LRSAM1: variants seen among roughly 807,000 people sequenced by gnomAD.
LRSAM1 encodes the protein E3 ubiquitin-protein ligase LRSAM1.
LRSAM1 carries 96 observed loss-of-function variants against 118.1 expected under a neutral mutation model. That is an observed-to-expected ratio of 0.81 (90% CI 0.69 to 0.96). The LOEUF (loss-of-function observed/expected upper bound fraction) is 0.96. Ranked by LOEUF, LRSAM1 falls within the 40% of genes least tolerant of loss-of-function variation. LRSAM1 has a pLI of 0.00. For synonymous variants in LRSAM1, 322 were observed against 364.2 expected, an observed-to-expected ratio of 0.88 and a Z score of 1.32; for missense variants, 804 against 915.5, an observed-to-expected ratio of 0.88 and a Z score of 1.57.
At chr9:127,501,490 T>G (rs1836391491) in intron 25 of LRSAM1, among the ~76,000 whole-genome samples, 1 of 152,052 alleles carries the variant, frequency 6.6e-6, no homozygotes, top group Non-Finnish European at 1.5e-5. Flanking sequence ...CCAGCACTTT[T>G]GGAGGCCAAG....
At chr9:127,484,828 A>C (rs1291410995) in intron 16 of LRSAM1, among the ~76,000 whole-genome samples, 1 of 50,614 alleles carries the variant, frequency 2.0e-5, no homozygotes, top group Non-Finnish European at 4.9e-5. Flanking sequence ...TTTTTTTTTG[A>C]GATAGGGTCT....
intron 14 of LRSAM1, among the ~76,000 whole-genome samples, chr9:127,480,540 A>C (rs976685608): frequency 6.6e-6 from 1 of 152,158 alleles, no homozygotes; most frequent in Non-Finnish European, 1.5e-5. Flanking sequence ...CTAACCCTGA[A>C]TCACTCGTTC....
At chr9:127,461,921 G>A (rs1834762480) in intron 8 of LRSAM1, among the ~76,000 whole-genome samples, 1 of 152,230 alleles carries the variant, frequency 6.6e-6, no homozygotes, top group Non-Finnish European at 1.5e-5. Flanking sequence ...AGCCATTACA[G>A]CATGAGGGGC....
At chr9:127,495,909 A>C in intron 22 of LRSAM1, 55 bp from the exon 23 acceptor site, 1 of 1,603,640 alleles carries the variant, frequency 6.2e-7, no homozygotes, top group Admixed American at 1.7e-5. Context: ...TTCCTGTTGT[A>C]AACAGTGGGT....
intron 24 of LRSAM1, 62 bp downstream of exon 24, chr9:127,497,396 G>A (rs1417583403): frequency 4.0e-6 from 6 of 1,507,514 alleles, no homozygotes; most frequent in Admixed American, 1.7e-5. Flanking sequence ...GGCTCTGGTG[G>A]GGACAGTCAT....
chr9:127,457,090 A>T (rs1834546469), intron 5 of LRSAM1, among the ~76,000 whole-genome samples: 1 of 152,206 alleles, frequency 6.6e-6, no homozygotes. Context: ...TGGAAGGAAG[A>T]TGTAGACCTC....
downstream of LRSAM1, chr9:127,503,501 T>G (rs981384770): frequency 2.0e-5 from 3 of 153,792 alleles, no homozygotes; most frequent in African/African-American, 7.3e-5. Context: ...TTCAGTGCGC[T>G]TCTGGCCTGA....
intron 10 of LRSAM1, among the ~76,000 whole-genome samples, chr9:127,468,231 T>G: frequency 6.6e-6 from 1 of 151,610 alleles, no homozygotes; most frequent in African/African-American, 2.4e-5. Flanking sequence ...AGAAGAGAGA[T>G]GGGAGAAGCC....
intron 10 of LRSAM1, among the ~76,000 whole-genome samples, chr9:127,469,600 A>G (rs1835087863): frequency 6.8e-6 from 1 of 147,866 alleles, no homozygotes; most frequent in Non-Finnish European, 1.5e-5. Flanking sequence ...ACCCACTAAA[A>G]TGGCCAGAAC....
At chr9:127,481,249 G>A (rs199636274) in intron 15 of LRSAM1, 22 bp downstream of exon 15, 1 of 1,610,904 alleles carries the variant, frequency 6.2e-7, no homozygotes, top group South Asian at 1.1e-5. Flanking sequence ...TCCAGGGGAG[G>A]GCAGCATTTT....
intron 3 of LRSAM1, 135 bp downstream of exon 3, chr9:127,454,734 T>G: frequency 9.7e-7 from 1 of 1,030,478 alleles, no homozygotes; most frequent in East Asian, 2.6e-5. Flanking sequence ...ATATTTGACT[T>G]AGACCCAACA....
intron 11 of LRSAM1, among the ~76,000 whole-genome samples, chr9:127,477,475 CGCA>C (rs1168968531): frequency 2.6e-5 from 4 of 152,198 alleles, no homozygotes; most frequent in Admixed American, 1.3e-4. Flanking sequence ...GTGTGCCAGG[CGCA>C]GTGGCTCACG....
In LRSAM1 at chr9:127,489,458, G is replaced by T; in HGVS notation, c.1362G>T (p.Lys454Asn). The T allele has an allele frequency of 6.2e-7, 1 of 1,608,960 alleles. No individual in the cohort carries two copies. The highest frequency in any genetic ancestry group is 1.1e-5 in the South Asian group (1 of 89,554). The change falls in exon 19 of 26, where the codon AAG becomes AAT. Residue 454 changes from lysine (K) to asparagine (N), a missense_variant. Transcript: ENST00000300417. ...CTGTGTTGCAGAGCGCGATGCAGAAGGCTGCGTTCGAGGCACTCCAGGTGA... is the reference window on the plus strand; with the variant it reads ...CTGTGTTGCAGAGCGCGATGCAGAATGCTGCGTTCGAGGCACTCCAGGTGA... ...SQILQESAMQ[K>N]AAFEALQVKK...
intron 5 of LRSAM1, among the ~76,000 whole-genome samples, chr9:127,456,646 C>T (rs1366101223): frequency 1.3e-5 from 2 of 151,974 alleles, no homozygotes; most frequent in African/African-American, 4.8e-5. Flanking sequence ...GGGCAGATCA[C>T]GAGGTCAGGA....
At chr9:127,468,757 CGAGCCCAGGAGTTT>C (rs1310533852) in intron 10 of LRSAM1, among the ~76,000 whole-genome samples, 2 of 139,152 alleles carry the variant, frequency 1.4e-5, no homozygotes, top group African/African-American at 5.4e-5. Flanking sequence ...AGGAGGATCT[CGAGCCCAGGAGTTT>C]GAGACCAGCC....
chr9:127,459,575 A>AT (rs932410332), intron 7 of LRSAM1, among the ~76,000 whole-genome samples: 8 of 142,906 alleles, frequency 5.6e-5, no homozygotes, highest in East Asian at 4.2e-4. Flanking sequence ...TTGTATGTGT[A>AT]TTTTTTTTTT....
At chr9:127,487,389 C>T (rs1434597108) in intron 17 of LRSAM1, 4 of 384,786 alleles carry the variant, frequency 1.0e-5, no homozygotes, top group African/African-American at 6.3e-5. Context: ...CAGAGGCAGG[C>T]ATCCACTTCC....
Position 127,451,654 on chromosome 9 carries a change from C to G in LRSAM1, c.-204C>G, listed in dbSNP as rs946132017. On this transcript the variant is annotated 5_prime_UTR_variant, in exon 1 of 26. Transcript: ENST00000300417. The stretch of plus-strand genomic sequence containing the variant: ...CCGGTGATCCCAGCCCTAGCTGTTT[C>G]CCATATTCCTTTATCGTGAGTGTCA... 1.7e-5 allele frequency: 7 copies of G among 412,396 alleles called. No individual in the cohort carries two copies. In the Admixed American group the frequency reaches 1.8e-4, roughly 11 times the overall value. The allele number at this position is 412,396 out of a possible 1,614,324, so 25.5% of individuals were successfully genotyped here. A position where few individuals can be genotyped will look rare whatever the true frequency, so the allele number is the denominator to read the frequency against.
chr9:127,482,206 G>A (rs1009402882), intron 15 of LRSAM1, among the ~76,000 whole-genome samples: 4 of 143,664 alleles, frequency 2.8e-5, no homozygotes, highest in African/African-American at 5.2e-5. Context: ...GCAGTGGCAC[G>A]ATCTCGGCTC....
Sources: allele counts gnomAD v4.1 joint callset (sites outside exome capture counted in the v4.1 genomes callset), GRCh38; gene constraint gnomAD v4.1.1; transcripts MANE v1.5; gene names NCBI Gene and HGNC (gene_info 2026-07-23, HGNC 2026-07-21).